Variants in NLRC5 observed in about 807,000 individuals in gnomAD.
The protein encoded by NLRC5 is protein NLRC5.
In NLRC5, 114 loss-of-function variants were observed where a neutral mutation model predicts 206.9. That is an observed-to-expected ratio of 0.55 (90% CI 0.47 to 0.64). The LOEUF (loss-of-function observed/expected upper bound fraction) is 0.64, where lower values mean the gene tolerates loss of function less well. NLRC5 is among the 30% of genes least tolerant of loss of function. The probability of loss-of-function intolerance (pLI) is 0.00; values close to 1 mark genes in which losing one functional copy is unlikely to be tolerated. For missense variants in NLRC5, 2,008 were observed against 2,305.5 expected (o/e 0.87, Z 2.64); for synonymous variants, 952 against 962.8 (o/e 0.99, Z 0.21).
chr16:57,067,521 G>A, intron 35 of NLRC5, 51 bp downstream of exon 35: 1 of 1,555,662 alleles, frequency 6.4e-7, no homozygotes, highest in South Asian at 1.1e-5. Context: ...GGTTGACCCT[G>A]GTACCTACTC....
chr16:57,025,349 A>AT lies in NLRC5; in HGVS notation c.425-18dup, dbSNP rs2061176074. ...GGCCGGGGGGTCCTCTCCTCATGCC[A>AT]TGTCCCTGCCCCTTGCAGAGTTGGC... On this transcript the variant is annotated intron_variant, in intron 5 of 48. Transcript: ENST00000688547. 6.6e-7 allele frequency: 1 copy of AT among 1,518,862 alleles called. No homozygotes were observed. The highest frequency in any genetic ancestry group is 1.4e-5 in the African/African-American group (1 of 71,718). The allele number at this position is 1,518,862 out of a possible 1,614,324, so 94.1% of individuals were successfully genotyped here. A position where few individuals can be genotyped will look rare whatever the true frequency, so the allele number is the denominator to read the frequency against.
Position 57,013,695 on chromosome 16 carries a change from G to A in NLRC5, c.-127-3379G>A, listed in dbSNP as rs1007644319. ...GATGAACTCACTTGCTGGTAACCTG[G>A]AATATGCTCCTTTGGTGGTTGTGCC... On this transcript the variant is annotated intron_variant, in intron 1 of 48. Coordinates refer to ENST00000688547, the MANE Select transcript of NLRC5 (RefSeq NM_001384950.1). 9 of 800,982 alleles carry A rather than the reference G, an allele frequency of 1.1e-5. No individual in the cohort carries two copies. In the African/African-American group the frequency reaches 1.5e-4, roughly 14 times the overall value. The allele number at this position is 800,982 out of a possible 1,614,324, so 49.6% of individuals were successfully genotyped here.
Position 57,081,178 on chromosome 16 carries a change from T to G in NLRC5, c.5402T>G (p.Val1801Gly), listed in dbSNP as rs1597474364. The change falls in exon 47 of 49, where the codon GTG becomes GGG. Residue 1801 changes from valine (V) to glycine (G), a missense_variant. By Grantham distance (109) the Val-to-Gly change is moderately radical (BLOSUM62 -3). Transcript: ENST00000688547. ...CCGCAGATGGGCCGGCTGAAGAGAGTGGAGTATGAGGGGCCGGGGGAGGAA... is the reference window on the plus strand; with the variant it reads ...CCGCAGATGGGCCGGCTGAAGAGAGGGGAGTATGAGGGGCCGGGGGAGGAA... Reference protein sequence around the residue: ...VLPQMGRLKRVDLEKNQITAL... With the variant: ...VLPQMGRLKRGDLEKNQITAL... 2 of 1,538,984 alleles carry G rather than the reference T, an allele frequency of 1.3e-6. No homozygotes were observed.
At position 57,058,778 on chromosome 16, in the gene NLRC5, G is replaced by A. The variant is rs1022068380; in HGVS notation, c.3831-194G>A. Among the ~76,000 whole-genome samples the A allele has an allele frequency of 1.2e-4, 19 of 152,356 alleles. 1 individual carries two copies. The highest frequency in any genetic ancestry group is 3.4e-3 in the Middle Eastern group (1 of 294). ...GGTGAGTGCAGCGCTCAAGGACTCAGGGTCTGGTGCCAGTTCTGCCTGTGT... is the reference window on the plus strand; with the variant it reads ...GGTGAGTGCAGCGCTCAAGGACTCAAGGTCTGGTGCCAGTTCTGCCTGTGT... On this transcript the variant is annotated intron_variant, in intron 28 of 48. Coordinates refer to ENST00000688547, the MANE Select transcript of NLRC5 (RefSeq NM_001384950.1).
At chr16:57,063,236 C>G (rs1372075199) in intron 32 of NLRC5, among the ~76,000 whole-genome samples, 2 of 151,526 alleles carry the variant, frequency 1.3e-5, no homozygotes, top group African/African-American at 4.9e-5. Flanking sequence ...CCTCAGCCTC[C>G]GGAGTAGCTG....
chr16:57,025,272 G>A, intron 5 of NLRC5, 96 bp from the exon 6 acceptor site: 1 of 1,480,710 alleles, frequency 6.8e-7, no homozygotes, highest in South Asian at 1.4e-5. Flanking sequence ...TACACATCTG[G>A]GGCTACAGGC....
rs182006500 is a variant in NLRC5, at chr16:57,079,086, G to A, written c.5118G>A (p.Leu1706=). 3.1e-6 allele frequency: 5 copies of A among 1,614,162 alleles called. No homozygotes were observed. The Admixed American group carries it at 5.0e-5, about 16-fold the overall frequency. The change falls in exon 44 of 49, where the codon CTG becomes CTA. Residue 1706 remains leucine, a synonymous_variant. Transcript: ENST00000688547. ...GCCATCTGGGCCCAGGTGGGGCCCT[G>A]AGCCTGGCCCAGGCCCTGGATGGAT... ...PFSHLGPGGA[L]SLAQALDGSP...
chr16:57,031,766 T>C lies in NLRC5; in HGVS notation c.2477+303T>C, dbSNP rs149257968. Among the ~76,000 whole-genome samples, 3 of 148,012 alleles carry C rather than the reference T, an allele frequency of 2.0e-5. No individual in the cohort carries two copies. In the East Asian group the frequency reaches 6.0e-4, roughly 29 times the overall value. On this transcript the variant is annotated intron_variant, in intron 11 of 48. Transcript: ENST00000688547. ...TGGCATTACTAGATGGTGAAAACTC[T>C]GGAAAAGCCCTTACAACTGAAAAAA...
intron 1 of NLRC5, among the ~76,000 whole-genome samples, chr16:57,009,781 CA>C (rs1231677891): frequency 1.3e-5 from 2 of 152,056 alleles, no homozygotes; most frequent in African/African-American, 4.8e-5. Context: ...AAAAACTGTT[CA>C]AACATCTTGG....
Position 57,039,781 on chromosome 16 carries a change from C to A in NLRC5, c.2802C>A (p.Ser934Arg). ...CCTCACCCCTCTTTTGTCTTCACAG[C>A]CTGCAGCACAAAACTGTGATCTTCA... ...ACWTLAELHI[S>R]LQHKTVIFMF... is the part of the protein sequence containing the mutation. The change falls in exon 16 of 49, where the codon AGC becomes AGA. Residue 934 changes from serine to arginine, a missense_variant and splice_region_variant. By Grantham distance (110) the Ser-to-Arg change is moderately radical. Transcript: ENST00000688547. 1 of 1,614,072 alleles carries A rather than the reference C, an allele frequency of 6.2e-7. No homozygotes were observed. The highest frequency in any genetic ancestry group is 2.2e-5 in the East Asian group (1 of 44,878).
At chr16:57,076,541 C>T (rs1448296465) in intron 39 of NLRC5, among the ~76,000 whole-genome samples, 14 of 152,232 alleles carry the variant, frequency 9.2e-5, no homozygotes, top group Admixed American at 9.2e-4. Flanking sequence ...CCTCCTGGGC[C>T]AGGGGCTCTG....
chr16:57,042,965 T>G lies in NLRC5; in HGVS notation c.3114-550T>G, dbSNP rs74495211. Among the ~76,000 whole-genome samples, 722 of 152,314 alleles carry G rather than the reference T, an allele frequency of 4.7e-3. 8 individuals are homozygous for G. Among genetic ancestry groups the G allele is most frequent in the African/African-American group, 0.017 (686 of 41,552 alleles). On this transcript the variant is annotated intron_variant, in intron 19 of 48. Coordinates refer to ENST00000688547, the MANE Select transcript of NLRC5 (RefSeq NM_001384950.1). ...CAAATTACATGAAGACTGGAGGTTT[T>G]AGTATGTCCTCATGTGACCTTCTTA...
intron 2 of NLRC5, among the ~76,000 whole-genome samples, chr16:57,018,038 T>A (rs180859696): frequency 3.0e-4 from 45 of 152,358 alleles, no homozygotes; most frequent in Admixed American, 9.8e-4. Flanking sequence ...GATAGAACAC[T>A]AATGATGGAA....
rs528692574 is a variant in NLRC5, at chr16:57,073,638, G to A, written c.4668-962G>A. ...AGACCCAGTCTCTCTCCGTTGCCCAGGCTGGAGTGCAGTGGCACAGTCTTG... is the reference window on the plus strand; with the variant it reads ...AGACCCAGTCTCTCTCCGTTGCCCAAGCTGGAGTGCAGTGGCACAGTCTTG... On this transcript the variant is annotated intron_variant, in intron 38 of 48. Coordinates refer to ENST00000688547, the MANE Select transcript of NLRC5 (RefSeq NM_001384950.1). 1.3e-3 allele frequency among the ~76,000 whole-genome samples: 199 copies of A among 152,296 alleles called. 3 individuals are homozygous for A. The South Asian group carries it at 0.04, about 30-fold the overall frequency.
chr16:57,047,703 T>A (rs2064189095), intron 23 of NLRC5, 75 bp downstream of exon 23: 2 of 1,247,636 alleles, frequency 1.6e-6, no homozygotes, highest in African/African-American at 1.5e-5. Flanking sequence ...GGCTTCTTGG[T>A]TAGAAGACAG....
intron 7 of NLRC5, 56 bp downstream of exon 7, chr16:57,028,211 C>A: frequency 1.9e-6 from 3 of 1,565,718 alleles, no homozygotes; most frequent in South Asian, 1.1e-5. Context: ...CTGGTACTCT[C>A]CTCCCTCTCC....
chr16:57,059,122 A>G (rs1306260027), intron 29 of NLRC5, 61 bp downstream of exon 29: 1 of 1,612,020 alleles, frequency 6.2e-7, no homozygotes, highest in Non-Finnish European at 8.5e-7. Context: ...CCCCTGGCTG[A>G]TGATGGGAGA....
intron 1 of NLRC5, among the ~76,000 whole-genome samples, chr16:56,991,664 T>C (rs2056880149): frequency 6.9e-6 from 1 of 145,968 alleles, no homozygotes. Flanking sequence ...GCGTGAGCCA[T>C]CTTGCCCGGA....
chr16:57,076,285 A>G (rs1378766166), intron 39 of NLRC5, among the ~76,000 whole-genome samples: 1 of 152,246 alleles, frequency 6.6e-6, no homozygotes, highest in East Asian at 1.9e-4. Flanking sequence ...CCAAGGGGCT[A>G]AGACCATTTG....
Sources: gnomAD v4.1 joint callset for allele counts (sites outside exome capture counted in the v4.1 genomes callset) on GRCh38, gnomAD v4.1.1 for gene constraint, MANE v1.5 for transcripts, NCBI Gene and HGNC (gene_info 2026-07-23, HGNC 2026-07-21) for gene names.